The following ABCB11 variants were observed in gnomAD, a reference collection of about 807,000 sequenced individuals.
ABCB11 encodes ATP binding cassette subfamily B member 11.
ABCB11 carries 95 observed loss-of-function variants against 148.0 expected under a neutral mutation model. The observed-to-expected ratio is 0.64, with a 90% confidence interval of 0.54 to 0.76. ABCB11 has a LOEUF of 0.76. Ranked by LOEUF, ABCB11 falls within the 30% of genes least tolerant of loss-of-function variation. The probability of loss-of-function intolerance (pLI) is 0.00; values close to 1 mark genes in which losing one functional copy is unlikely to be tolerated. For synonymous variants in ABCB11, 591 were observed against 555.4 expected (o/e 1.06, Z -0.90); for missense variants, 1,523 against 1,617.8 (o/e 0.94, Z 1.01).
intron 19 of ABCB11, among the ~76,000 whole-genome samples, chr2:168,955,014 T>C (rs1692730088): frequency 1.3e-5 from 2 of 151,680 alleles, no homozygotes; most frequent in Non-Finnish European, 3.0e-5. Flanking sequence ...GAAATTCTTA[T>C]CTCTGCTTGG....
chr2:168,971,876 C>T lies in ABCB11; in HGVS notation c.1609G>A (p.Ala537Thr), dbSNP rs758803305. The change falls in exon 14 of 28, where the codon GCC (alanine) becomes ACC (threonine). Residue 537 changes from alanine (A) to threonine (T), a missense_variant. Physicochemically the swap from Ala to Thr is moderately conservative, Grantham distance 58. Transcript: ENST00000650372. ...DIVQAAKEAN[A>T]YNFIMDLPQQ... is the part of the protein sequence containing the mutation. ...GGCAGGTCCATGATGAAGTTGTAGG[C>T]ATTGGCCTCCTTGGCAGCTTGGACT... The T allele has an allele frequency of 6.2e-7, 1 of 1,612,838 alleles. No homozygotes were observed. Among genetic ancestry groups the T allele is most frequent in the East Asian group, 2.2e-5 (1 of 44,802 alleles).
Position 168,923,711 on chromosome 2 carries a change from C to T in ABCB11, c.3877G>A (p.Val1293Met), listed in dbSNP as rs1256369188. 2.5e-6 allele frequency: 4 copies of T among 1,613,786 alleles called. No individual in the cohort carries two copies. The highest frequency in any genetic ancestry group is 2.5e-6 in the Non-Finnish European group (3 of 1,179,848). Residue 1293 changes from valine to methionine, a missense_variant, in exon 28 of 28, where the codon GTG (valine) becomes ATG (methionine). Val to Met is a conservative substitution (Grantham distance 21). Coordinates refer to ENST00000650372, the MANE Select transcript of ABCB11 (RefSeq NM_003742.4). ...TCATGGGTCCCCTTTTCAATCACCA[C>T]CCCCTGTGCCATGACAGCAATGATA... is the stretch of plus-strand genomic sequence containing the variant. The part of the protein sequence containing the change: ...ADIIAVMAQG[V>M]VIEKGTHEEL...
chr2:168,969,161 T>C lies in ABCB11; in HGVS notation c.2011+189A>G, dbSNP rs146266141. 5.5e-3 allele frequency among the ~76,000 whole-genome samples: 831 copies of C among 151,292 alleles called. 10 individuals carry two copies. The highest frequency in any genetic ancestry group is 0.02 in the African/African-American group (810 of 41,286). ...GGGATGGAATTGAAAGTTAGAAGCC[T>C]TGGTTTTAGTGCTGTAACTTGATCA... On this transcript the variant is annotated intron_variant, in intron 16 of 27. Transcript: ENST00000650372.
At position 168,922,860 on chromosome 2, in the gene ABCB11, G is replaced by A. The variant is rs1194007051; in HGVS notation, c.*762C>T. On this transcript the variant is annotated 3_prime_UTR_variant, in exon 28 of 28. Transcript: ENST00000650372. Reference sequence around the variant, plus strand: ...AGAAACTAAAAACAACAATCAGTATGCAGGGAGGTGCTGAGGAGTAAAAGG... The same window carrying A: ...AGAAACTAAAAACAACAATCAGTATACAGGGAGGTGCTGAGGAGTAAAAGG... The A allele has an allele frequency of 6.6e-6, 1 of 152,170 alleles. No individual in the cohort carries two copies. The highest frequency in any genetic ancestry group is 1.5e-5 in the Non-Finnish European group (1 of 68,046). 9.4% of individuals were successfully genotyped at this position (152,170 alleles called of 1,614,324 possible).
intron 9 of ABCB11, among the ~76,000 whole-genome samples, chr2:168,990,270 T>C (rs1159594258): frequency 6.6e-6 from 1 of 152,174 alleles, no homozygotes; most frequent in Non-Finnish European, 1.5e-5. Context: ...TTATTACTGA[T>C]TCAATCTCCT....
At chr2:168,989,868 A>G (rs1449779056) in intron 9 of ABCB11, among the ~76,000 whole-genome samples, 1 of 152,082 alleles carries the variant, frequency 6.6e-6, no homozygotes, top group Non-Finnish European at 1.5e-5. Flanking sequence ...TGAGATAACC[A>G]TATGGTTTTT....
intron 10 of ABCB11, among the ~76,000 whole-genome samples, chr2:168,981,281 A>G (rs1694128097): frequency 6.6e-6 from 1 of 152,086 alleles, no homozygotes; most frequent in African/African-American, 2.4e-5. Context: ...GCTGCCATAC[A>G]TGGGTGGTGG....
intron 1 of ABCB11, among the ~76,000 whole-genome samples, chr2:169,029,385 T>G (rs1695793712): frequency 6.6e-6 from 1 of 152,080 alleles, no homozygotes. Context: ...ATCTAAAAGA[T>G]TATTAGAGAA....
chr2:168,986,600 A>G (rs1322551666), intron 9 of ABCB11, among the ~76,000 whole-genome samples: 1 of 152,128 alleles, frequency 6.6e-6, no homozygotes, highest in African/African-American at 2.4e-5. Flanking sequence ...ATCTAGTATT[A>G]TGTTTGAAGT....
At chr2:169,006,967 C>G (rs1291029868) in intron 5 of ABCB11, among the ~76,000 whole-genome samples, 3 of 152,196 alleles carry the variant, frequency 2.0e-5, no homozygotes, top group African/African-American at 7.2e-5. Context: ...ATTCCTTAAA[C>G]TGATCTACAG....
In ABCB11 at chr2:168,996,686, G is replaced by C; in HGVS notation, c.426C>G (p.Ala142=). ...LNIESEMIKF[A]SYYAGIAVAV... ...CGACAGCAATTCCAGCATAGTAACT[G>C]GCAAATTTGATCATTTCGCTCTCGA... The change falls in exon 6 of 28, where the codon GCC becomes GCG. Residue 142 remains alanine, a synonymous_variant. Transcript: ENST00000650372. The C allele has an allele frequency of 6.4e-7, 1 of 1,571,656 alleles. No individual in the cohort carries two copies. The highest frequency in any genetic ancestry group is 8.6e-7 in the Non-Finnish European group (1 of 1,156,232).
intron 5 of ABCB11, among the ~76,000 whole-genome samples, chr2:169,012,744 A>G (rs1290396602): frequency 1.3e-5 from 2 of 150,584 alleles, no homozygotes; most frequent in Non-Finnish European, 3.0e-5. Flanking sequence ...ATCTTAAAAA[A>G]AAAAAAAAAA....
rs774968086 is a variant in ABCB11 at position 169,016,766 on chromosome 2, T to G, written c.98+12A>C. ...TAGAAAAGATGCTGCATTGTTGAAA[T>G]CAGTCACTTACCTTGATTTCTTATC... On this transcript the variant is annotated intron_variant, in intron 3 of 27. Transcript: ENST00000650372. 1 of 1,596,752 alleles carries G rather than the reference T, an allele frequency of 6.3e-7. No homozygotes were observed. The highest frequency in any genetic ancestry group is 8.6e-7 in the Non-Finnish European group (1 of 1,168,998).
intron 11 of ABCB11, among the ~76,000 whole-genome samples, chr2:168,978,783 A>G (rs1321249047): frequency 1.3e-5 from 2 of 152,036 alleles, no homozygotes; most frequent in African/African-American, 4.8e-5. Flanking sequence ...CAGTGGCGCA[A>G]TCATGGCTCA....
intron 21 of ABCB11, among the ~76,000 whole-genome samples, chr2:168,943,074 C>T (rs1692140479): frequency 6.6e-6 from 1 of 151,716 alleles, no homozygotes; most frequent in African/African-American, 2.4e-5. Flanking sequence ...AGAAAATCCT[C>T]TTTTTAAAAA....
At position 168,978,132 on chromosome 2, in the gene ABCB11, C is replaced by CTTT. The variant is rs35964117; in HGVS notation, c.1198-1448_1198-1446dup. On this transcript the variant is annotated intron_variant, in intron 11 of 27. Transcript: ENST00000650372. ...AAGAGGTAGAATTTGAATAAATTGA[C>CTTT]TTTTTTTTTTTTTTTTTTTTTTTTT... is the stretch of plus-strand genomic sequence containing the variant. 3.5e-3 allele frequency among the ~76,000 whole-genome samples: 186 copies of CTTT among 53,134 alleles called. 38 individuals carry two copies. The highest frequency in any genetic ancestry group is 0.015 in the African/African-American group (174 of 11,532). 34.9% of individuals were successfully genotyped at this position (53,134 alleles called of 152,430 possible).
At chr2:169,002,650 T>C (rs761957084) in intron 5 of ABCB11, among the ~76,000 whole-genome samples, 3 of 152,056 alleles carry the variant, frequency 2.0e-5, no homozygotes, top group Non-Finnish European at 2.9e-5. Context: ...GCACCTCGAG[T>C]ATATCATGTT....
intron 1 of ABCB11, among the ~76,000 whole-genome samples, chr2:169,026,806 T>C (rs1407904779): frequency 1.3e-5 from 2 of 152,188 alleles, no homozygotes; most frequent in African/African-American, 4.8e-5. Context: ...TTTTTGGTGA[T>C]AAACATATTT....
chr2:168,993,896 AG>A lies in ABCB11; in HGVS notation c.612-15del. The A allele has an allele frequency of 6.3e-7, 1 of 1,596,494 alleles. No individual in the cohort carries two copies. Among genetic ancestry groups the A allele is most frequent in the Non-Finnish European group, 8.5e-7 (1 of 1,172,374 alleles). On this transcript the variant is annotated splice_polypyrimidine_tract_variant and intron_variant, in intron 7 of 27. Coordinates refer to ENST00000650372, the MANE Select transcript of ABCB11 (RefSeq NM_003742.4). ...TTATTAATATCACTAGAAACCAGAA[AG>A]ATTTTGGTCACTAAAACTGAATTTG...
Sources: gnomAD v4.1 joint callset for allele counts (sites outside exome capture counted in the v4.1 genomes callset) on GRCh38, gnomAD v4.1.1 for gene constraint, MANE v1.5 for transcripts, NCBI Gene and HGNC (gene_info 2026-07-23, HGNC 2026-07-21) for gene names.